The following NSD2 variants were observed in gnomAD, a reference collection of about 807,000 sequenced individuals.
NSD2 encodes the protein histone-lysine N-methyltransferase NSD2.
In NSD2, 12 loss-of-function variants were observed where a neutral mutation model predicts 139.0. The observed-to-expected ratio is 0.09, with a 90% CI of 0.06 to 0.14. The LOEUF is 0.14. Among genes scored for constraint, NSD2 ranks in the 10% least tolerant of loss-of-function variants. NSD2 has a pLI of 1.00. For missense variants in NSD2, 1,155 were observed against 1,745.0 expected (o/e 0.66, Z 6.02); for synonymous variants, 669 against 648.7 (o/e 1.03, Z -0.48).
Position 1,904,508 on chromosome 4 carries a change from G to A in NSD2, c.760+130G>A, listed in dbSNP as rs375879807. Reference sequence around the variant, plus strand: ...ATTTTTGCAGCTTTACCTAAAGTTAGTGATTGATTCAAGTGTGATGTGTTG... The same window carrying A: ...ATTTTTGCAGCTTTACCTAAAGTTAATGATTGATTCAAGTGTGATGTGTTG... On this transcript the variant is annotated intron_variant, in intron 3 of 21. Transcript: ENST00000508803. The A allele has an allele frequency of 4.1e-6, 4 of 975,168 alleles. No individual in the cohort carries two copies. The South Asian group carries it at 5.4e-5, about 13-fold the overall frequency. The allele number at this position is 975,168 out of a possible 1,614,324, so 60.4% of individuals were successfully genotyped here.
At chr4:1,872,633 A>AGAGAGAGAGAGAGAGCGAGC (rs1203166315) in intron 1 of NSD2, among the ~76,000 whole-genome samples, 1 of 131,034 alleles carries the variant, frequency 7.6e-6, no homozygotes, top group South Asian at 2.6e-4. Flanking sequence ...AGAGAGAGAG[A>AGAGAGAGAGAGAGAGCGAGC]GAGCGCGCAG....
chr4:1,977,854 G>A (rs1343292603), intron 21 of NSD2, among the ~76,000 whole-genome samples: 1 of 150,684 alleles, frequency 6.6e-6, no homozygotes, highest in African/African-American at 2.4e-5. Flanking sequence ...GGCCAGGCAC[G>A]GTGGCTCATG....
intron 21 of NSD2, among the ~76,000 whole-genome samples, chr4:1,978,258 C>T (rs1216677256): frequency 6.6e-6 from 1 of 152,150 alleles, no homozygotes; most frequent in Non-Finnish European, 1.5e-5. Flanking sequence ...CAGAGTCATG[C>T]CAGAAAGATG....
chr4:1,883,713 A>G (rs1432832473), intron 1 of NSD2, among the ~76,000 whole-genome samples: 2 of 151,384 alleles, frequency 1.3e-5, no homozygotes, highest in Middle Eastern at 7.1e-3. Flanking sequence ...TCCCAGCTGT[A>G]GTGGAAGCCC....
intron 5 of NSD2, among the ~76,000 whole-genome samples, chr4:1,925,323 T>G (rs151074276): frequency 4.3e-4 from 65 of 152,120 alleles, no homozygotes; most frequent in Non-Finnish European, 8.1e-4. Context: ...TCCCTAGATG[T>G]AAGGCTGACT....
chr4:1,900,659 A>G lies in NSD2; in HGVS notation c.5A>G (p.Glu2Gly). Residue 2 changes from glutamate (E) to glycine (G), a missense_variant, in exon 2 of 22, where the codon GAA becomes GGA. By Grantham distance (98) the Glu-to-Gly change is moderately conservative (BLOSUM62 -2). Transcript: ENST00000508803. ...GAACGGAAGCATCTGGGCTGGATGGAATTTAGCATCAAGCAGAGTCCCCTT... is the reference window on the plus strand; with the variant it reads ...GAACGGAAGCATCTGGGCTGGATGGGATTTAGCATCAAGCAGAGTCCCCTT... M[E>G]FSIKQSPLSV... The G allele has an allele frequency of 6.4e-7, 1 of 1,574,232 alleles. No homozygotes were observed. The highest frequency in any genetic ancestry group is 2.3e-5 in the East Asian group (1 of 44,356).
rs1723842397 is a variant in NSD2 at position 1,948,244 on chromosome 4, A to G, written c.1882-2828A>G. The G allele has an allele frequency of 3.8e-6, 4 of 1,064,804 alleles. No individual in the cohort carries two copies. Among genetic ancestry groups the G allele is most frequent in the Non-Finnish European group, 4.6e-6 (4 of 878,518 alleles). The allele number at this position is 1,064,804 out of a possible 1,614,324, so 66.0% of individuals were successfully genotyped here. ...GCGGGAAACAACGGGAAAGTTCTTG[A>G]CAGAGTCTGTGTCCGCTCAGTCCCT... On this transcript the variant is annotated intron_variant, in intron 9 of 21. Coordinates refer to ENST00000508803, the MANE Select transcript of NSD2 (RefSeq NM_001042424.3). This position sits in a 1 kb window ranked among gnomAD's most constrained non-coding sequence, Gnocchi z 4.5.
intron 5 of NSD2, among the ~76,000 whole-genome samples, chr4:1,929,331 C>T (rs1483166953): frequency 2.0e-5 from 3 of 152,070 alleles, no homozygotes; most frequent in Non-Finnish European, 2.9e-5. Context: ...GTGGTAGGTC[C>T]AGGTGGTAAT....
At position 1,942,940 on chromosome 4, in the gene NSD2, C is replaced by T. The variant is rs981567777; in HGVS notation, c.1881+3162C>T. On this transcript the variant is annotated intron_variant, in intron 9 of 21. Transcript: ENST00000508803. The surrounding 1 kb of genome is among the most constrained non-coding windows in gnomAD (Gnocchi z 4.0). ...TTTGATTCTATCCTTTTTTACTAAA[C>T]AGTTTTATTATGACACTAGATACAG... 1 of 1,053,814 alleles carries T rather than the reference C, an allele frequency of 9.5e-7. No homozygotes were observed. The highest frequency in any genetic ancestry group is 4.6e-5 in the South Asian group (1 of 21,882). 65.3% of individuals were successfully genotyped at this position (1,053,814 alleles called of 1,614,324 possible).
chr4:1,888,932 C>CT (rs1715326578), intron 1 of NSD2, among the ~76,000 whole-genome samples: 3 of 148,088 alleles, frequency 2.0e-5, no homozygotes. Flanking sequence ...CAGTCTCACT[C>CT]TGTTGGCCAG....
At position 1,910,170 on chromosome 4, in the gene NSD2, A is replaced by G. The variant is rs180769981; in HGVS notation, c.760+5792A>G. On this transcript the variant is annotated intron_variant, in intron 3 of 21. Coordinates refer to ENST00000508803, the MANE Select transcript of NSD2 (RefSeq NM_001042424.3). ...TAGCATTGTTGTAATTTACAGCAGCAGAACCTGTGTTAGCTAGTATCTACC... is the reference window on the plus strand; with the variant it reads ...TAGCATTGTTGTAATTTACAGCAGCGGAACCTGTGTTAGCTAGTATCTACC... 1.8e-4 allele frequency among the ~76,000 whole-genome samples: 27 copies of G among 152,306 alleles called. 1 individual carries two copies. Among genetic ancestry groups the G allele is most frequent in the Admixed American group, 1.6e-3 (24 of 15,300 alleles).
chr4:1,952,658 T>C, intron 11 of NSD2: 1 of 996,880 alleles, frequency 1.0e-6, no homozygotes, highest in African/African-American at 1.7e-5. Flanking sequence ...GAAGACACAG[T>C]GTCACCTTGA....
chr4:1,941,032 T>A, intron 9 of NSD2: 1 of 1,057,510 alleles, frequency 9.5e-7, no homozygotes, highest in African/African-American at 1.6e-5. Flanking sequence ...AAGCATTTTG[T>A]GATGTTTGGA....
intron 1 of NSD2, 144 bp from the exon 2 acceptor site, chr4:1,900,482 T>C (rs900675178): frequency 7.9e-6 from 4 of 504,650 alleles, no homozygotes; most frequent in Admixed American, 3.8e-5. Context: ...AACTGCCTTC[T>C]GTGACCTGAA....
rs372572706 is a variant in NSD2 at position 1,955,673 on chromosome 4, G to A, written c.2519-20G>A. 1.3e-5 allele frequency: 21 copies of A among 1,604,696 alleles called. No homozygotes were observed. The highest frequency in any genetic ancestry group is 1.7e-4 in the Middle Eastern group (1 of 6,018). On this transcript the variant is annotated intron_variant, in intron 13 of 21. Coordinates refer to ENST00000508803, the MANE Select transcript of NSD2 (RefSeq NM_001042424.3). This position sits in a 1 kb window ranked among gnomAD's most constrained non-coding sequence, Gnocchi z 4.7. Reference sequence around the variant, plus strand: ...CATAGCAGACAGGCTAAGCCTGGCCGCCTCGCCCTCCTCTTGCAGGGGGGA... The same window carrying A: ...CATAGCAGACAGGCTAAGCCTGGCCACCTCGCCCTCCTCTTGCAGGGGGGA...
chr4:1,938,373 T>G, intron 7 of NSD2, 78 bp from the exon 8 acceptor site: 6 of 1,221,032 alleles, frequency 4.9e-6, no homozygotes, highest in Non-Finnish European at 3.3e-6. Flanking sequence ...TTGTTGTTCT[T>G]TTTCTTTTTT....
chr4:1,980,195 C>G lies in NSD2; in HGVS notation c.*1286C>G. 4.3e-6 allele frequency: 1 copy of G among 233,284 alleles called. No individual in the cohort carries two copies. Among genetic ancestry groups the G allele is most frequent in the Non-Finnish European group, 8.5e-6 (1 of 118,022 alleles). 14.5% of individuals were successfully genotyped at this position (233,284 alleles called of 1,614,324 possible). A position where few individuals can be genotyped will look rare whatever the true frequency, so the allele number is the denominator to read the frequency against. On this transcript the variant is annotated 3_prime_UTR_variant, in exon 22 of 22. Transcript: ENST00000508803. ...ACACCCACTCTCCTGTGAGATTTCACTTTAGTTTTTAAAAGGTCCAGTTCT... is the reference window on the plus strand; with the variant it reads ...ACACCCACTCTCCTGTGAGATTTCAGTTTAGTTTTTAAAAGGTCCAGTTCT...
At chr4:1,919,761 GTC>G (rs1560646370) in intron 5 of NSD2, among the ~76,000 whole-genome samples, 1 of 151,886 alleles carries the variant, frequency 6.6e-6, no homozygotes, top group Non-Finnish European at 1.5e-5. Flanking sequence ...ATGAAACCCC[GTC>G]TCTACTAAAA....
chr4:1,916,831 T>C (rs1719462857), intron 3 of NSD2, 40 bp from the exon 4 acceptor site: 1 of 1,576,750 alleles, frequency 6.3e-7, no homozygotes, highest in African/African-American at 1.4e-5. Context: ...TCATCCCAGA[T>C]TCTAACTTTC....
Sources: gnomAD v4.1 joint callset for allele counts (sites outside exome capture counted in the v4.1 genomes callset) on GRCh38, gnomAD v4.1.1 for gene constraint, Gnocchi (gnomAD v3.1) non-coding constraint, MANE v1.5 for transcripts, NCBI Gene and HGNC (gene_info 2026-07-23, HGNC 2026-07-21) for gene names.